RCBTB2: variants seen among roughly 807,000 people sequenced by gnomAD.
RCBTB2 encodes RCC1 and BTB domain-containing protein 2.
RCBTB2 carries 55 observed loss-of-function variants against 65.4 expected under a neutral mutation model. The ratio of observed to expected loss-of-function variants is 0.84; its 90% CI spans 0.68 to 1.05. RCBTB2 has a LOEUF of 1.05. Ranked by LOEUF, RCBTB2 falls within the 50% of genes least tolerant of loss-of-function variation. The pLI is 0.00. For synonymous variants in RCBTB2, 220 were observed against 255.2 expected, an observed-to-expected ratio of 0.86 and a Z score of 1.31; for missense variants, 599 against 680.1, an observed-to-expected ratio of 0.88 and a Z score of 1.33.
chr13:48,515,471 C>A, intron 5 of RCBTB2, 115 bp downstream of exon 5: 1 of 1,370,212 alleles, frequency 7.3e-7, no homozygotes, highest in Non-Finnish European at 9.9e-7. Context: ...ATAAATAAAA[C>A]CTAATTTCCA....
At chr13:48,502,456 G>T (rs975670423) in intron 11 of RCBTB2, among the ~76,000 whole-genome samples, 1 of 151,262 alleles carries the variant, frequency 6.6e-6, no homozygotes, top group Admixed American at 6.6e-5. Flanking sequence ...TTGCACCACC[G>T]CACTCCAGCC....
Position 48,510,584 on chromosome 13 carries a change from A to G in RCBTB2, c.926+45T>C, listed in dbSNP as rs114105848. Reference sequence around the variant, plus strand: ...ATATATCTAAGTCCTGTTTAATCACAATCACCAAAGACCAGTGTGGGGACT... The same window carrying G: ...ATATATCTAAGTCCTGTTTAATCACGATCACCAAAGACCAGTGTGGGGACT... On this transcript the variant is annotated intron_variant, in intron 10 of 14. Transcript: ENST00000344532. 2.0e-3 allele frequency: 3,227 copies of G among 1,595,498 alleles called. 56 individuals are homozygous for G. The African/African-American group carries it at 0.039, about 19-fold the overall frequency.
At chr13:48,493,559 C>T (rs1404108582) in intron 14 of RCBTB2, among the ~76,000 whole-genome samples, 4 of 151,966 alleles carry the variant, frequency 2.6e-5, no homozygotes, top group African/African-American at 9.7e-5. Context: ...GCACCTCCAC[C>T]GCACCATCTC....
At chr13:48,517,802 C>T (rs1013913204) in intron 4 of RCBTB2, among the ~76,000 whole-genome samples, 1 of 152,098 alleles carries the variant, frequency 6.6e-6, no homozygotes, top group East Asian at 1.9e-4. Flanking sequence ...GAATGGCTTC[C>T]CCCCAAAGTC....
intron 1 of RCBTB2, among the ~76,000 whole-genome samples, chr13:48,527,322 T>TATATATATATATG (rs1566336392): frequency 8.1e-6 from 1 of 123,492 alleles, no homozygotes; most frequent in African/African-American, 4.7e-5. Flanking sequence ...ACTTGGCTCA[T>TATATATATATATG]ATATATATAT....
intron 2 of RCBTB2, among the ~76,000 whole-genome samples, chr13:48,524,202 G>A (rs1951581175): frequency 6.6e-6 from 1 of 151,892 alleles, no homozygotes; most frequent in African/African-American, 2.4e-5. Context: ...CACTACACGT[G>A]GAGATTACCT....
intron 10 of RCBTB2, among the ~76,000 whole-genome samples, chr13:48,508,639 G>A (rs948984988): frequency 3.3e-5 from 5 of 152,230 alleles, no homozygotes; most frequent in South Asian, 2.1e-4. Context: ...CCTGACCTCA[G>A]GTGATCCGCC....
intron 10 of RCBTB2, chr13:48,504,224 A>C: frequency 1.0e-6 from 1 of 985,214 alleles, no homozygotes. Flanking sequence ...GCCCCAACTC[A>C]CACAGTGCTG....
At chr13:48,496,438 C>T (rs1949974683) in intron 13 of RCBTB2, 117 bp from the exon 14 acceptor site, 12 of 1,059,108 alleles carry the variant, frequency 1.1e-5, no homozygotes, top group Non-Finnish European at 1.4e-5. Context: ...CTCAGTGAAG[C>T]ACTGCATAGA....
In RCBTB2 at chr13:48,511,781, G is replaced by A. The variant is rs143605613; in HGVS notation, c.772C>T (p.Arg258Cys). 1.8e-5 allele frequency: 29 copies of A among 1,613,908 alleles called. No homozygotes were observed. The highest frequency in any genetic ancestry group is 1.9e-5 in the Non-Finnish European group (23 of 1,179,968). Reference sequence around the variant, plus strand: ...GACAGTGGACGTACCCTCTGGACACGGATGCCTTGCAAAGCTGCCACTCTG... The same window carrying A: ...GACAGTGGACGTACCCTCTGGACACAGATGCCTTGCAAAGCTGCCACTCTG... ...PCRVAALQGI[R>C]VQRVACGYAH... The change falls in exon 9 of 15, where the codon CGT (arginine) becomes TGT (cysteine). Residue 258 changes from arginine (R) to cysteine (C), a missense_variant. Physicochemically the swap from Arg to Cys is radical, Grantham distance 180 (BLOSUM62 -3). Coordinates refer to ENST00000344532, the MANE Select transcript of RCBTB2 (RefSeq NM_001268.4).
chr13:48,522,201 A>G, intron 3 of RCBTB2, 107 bp downstream of exon 3: 1 of 809,464 alleles, frequency 1.2e-6, no homozygotes, highest in Non-Finnish European at 2.0e-6. Context: ...GAGGTCTGAA[A>G]AAGTAGTCTC....
At position 48,505,050 on chromosome 13, in the gene RCBTB2, C is replaced by CT. The variant is rs533831016; in HGVS notation, c.927-2137dup. Among the ~76,000 whole-genome samples, 635 of 138,324 alleles carry CT rather than the reference C, an allele frequency of 4.6e-3. 1 individual carries two copies. The highest frequency in any genetic ancestry group is 0.037 in the Middle Eastern group (10 of 272). The allele number at this position is 138,324 out of a possible 152,430, so 90.7% of individuals were successfully genotyped here. ...ACCTAGGTTTGTTTTTTATTTCTTT[C>CT]TTTTTTTTTTTTTTTCTTGCAGCTC... On this transcript the variant is annotated intron_variant, in intron 10 of 14. Transcript: ENST00000344532.
intron 10 of RCBTB2, among the ~76,000 whole-genome samples, chr13:48,505,466 C>T (rs1286397706): frequency 4.6e-5 from 7 of 152,124 alleles, no homozygotes; most frequent in African/African-American, 9.7e-5. Context: ...GCAAAAGAAC[C>T]GTGCCAGACG....
Position 48,496,225 on chromosome 13 carries a change from G to A in RCBTB2, c.1481C>T (p.Ala494Val). 3 of 1,583,868 alleles carry A rather than the reference G, an allele frequency of 1.9e-6. No homozygotes were observed. The highest frequency in any genetic ancestry group is 1.4e-5 in the African/African-American group (1 of 73,702). The change falls in exon 14 of 15, where the codon GCT (alanine) becomes GTT (valine). Residue 494 changes from alanine to valine, a missense_variant. By Grantham distance (64) the Ala-to-Val change is moderately conservative (BLOSUM62 0). Coordinates refer to ENST00000344532, the MANE Select transcript of RCBTB2 (RefSeq NM_001268.4). ...KQGICEENAI[A>V]LLSAAVKYDA... ...ATACTTCACCGCAGCCGAGAGCAGA[G>A]CGATGGCATTCTCCTCGCAGATGCC...
intron 2 of RCBTB2, among the ~76,000 whole-genome samples, chr13:48,523,188 T>C (rs1449768973): frequency 6.6e-6 from 1 of 152,220 alleles, no homozygotes; most frequent in Non-Finnish European, 1.5e-5. Flanking sequence ...TTACTACATA[T>C]TATCTATGGC....
At chr13:48,505,050 C>CTT (rs533831016) in intron 10 of RCBTB2, among the ~76,000 whole-genome samples, 2 of 138,362 alleles carry the variant, frequency 1.4e-5, no homozygotes, top group East Asian at 2.0e-4. Context: ...TTATTTCTTT[C>CTT]TTTTTTTTTT....
At chr13:48,496,445 T>G (rs150498063) in intron 13 of RCBTB2, 124 bp from the exon 14 acceptor site, 1 of 941,886 alleles carries the variant, frequency 1.1e-6, no homozygotes, top group Non-Finnish European at 1.5e-6. Context: ...AAGCACTGCA[T>G]AGACTGATGC....
intron 1 of RCBTB2, among the ~76,000 whole-genome samples, chr13:48,526,557 T>A (rs1484051532): frequency 6.6e-6 from 1 of 151,928 alleles, no homozygotes; most frequent in East Asian, 1.9e-4. Context: ...ATAATTTTTT[T>A]AATGAGCTAT....
At chr13:48,531,657 C>G (rs1018051807) in intron 1 of RCBTB2, among the ~76,000 whole-genome samples, 1 of 152,176 alleles carries the variant, frequency 6.6e-6, no homozygotes, top group African/African-American at 2.4e-5. Context: ...TATGCAAGAA[C>G]GTATCATTCT....
Sources: gnomAD v4.1 joint callset for allele counts (sites outside exome capture counted in the v4.1 genomes callset) on GRCh38, gnomAD v4.1.1 for gene constraint, MANE v1.5 for transcripts, NCBI Gene and HGNC (gene_info 2026-07-23, HGNC 2026-07-21) for gene names.